TIAM1: variants seen among roughly 807,000 people sequenced by gnomAD.
The protein encoded by TIAM1 is TIAM Rac1 associated GEF 1.
TIAM1 carries 65 observed loss-of-function variants against 163.5 expected under a neutral mutation model. The observed-to-expected ratio is 0.40, with a 90% CI of 0.33 to 0.49. The LOEUF (loss-of-function observed/expected upper bound fraction) is 0.49, where lower values mean the gene tolerates loss of function less well. Ranked by LOEUF, TIAM1 falls within the 20% of genes least tolerant of loss-of-function variation. TIAM1 has a pLI of 0.77. For missense variants in TIAM1, 1,789 were observed against 2,044.7 expected (o/e 0.87, Z 2.41); for synonymous variants, 833 against 810.1 (o/e 1.03, Z -0.48).
intron 14 of TIAM1, 94 bp from the exon 15 acceptor site, chr21:31,182,739 G>C: frequency 7.8e-7 from 1 of 1,285,848 alleles, no homozygotes; most frequent in East Asian, 2.5e-5. Context: ...CCTGCTGTGG[G>C]TCTCACAGCC....
intron 2 of TIAM1, among the ~76,000 whole-genome samples, chr21:31,335,836 G>A (rs1048980515): frequency 6.6e-6 from 1 of 152,164 alleles, no homozygotes; most frequent in African/African-American, 2.4e-5. Context: ...GAACAGTCAC[G>A]AGTTTAGAAA....
At chr21:31,404,492 GA>G (rs3216557) in intron 2 of TIAM1, among the ~76,000 whole-genome samples, 10,582 of 143,718 alleles carry the variant, frequency 0.074, 400 homozygotes, top group Middle Eastern at 0.13. Context: ...TTTTAAAGAG[GA>G]AAAAAAAAAG....
At chr21:31,370,631 CA>C (rs1569272935) in intron 2 of TIAM1, among the ~76,000 whole-genome samples, 1 of 151,954 alleles carries the variant, frequency 6.6e-6, no homozygotes, top group Non-Finnish European at 1.5e-5. Context: ...TGAAATTACC[CA>C]CAATAAAAAG....
At chr21:31,421,490 A>G (rs1028925765) in intron 2 of TIAM1, among the ~76,000 whole-genome samples, 3 of 152,176 alleles carry the variant, frequency 2.0e-5, no homozygotes, top group Non-Finnish European at 4.4e-5. Context: ...ATCAGCGGTG[A>G]CATCAGATTC....
At chr21:31,220,097 C>T (rs1329070878) in intron 8 of TIAM1, among the ~76,000 whole-genome samples, 1 of 152,150 alleles carries the variant, frequency 6.6e-6, no homozygotes, top group Admixed American at 6.5e-5. Flanking sequence ...ATAAATAAAT[C>T]CAGTCATTAA....
intron 15 of TIAM1, among the ~76,000 whole-genome samples, chr21:31,181,815 G>T (rs1226612296): frequency 3.1e-5 from 3 of 95,892 alleles, no homozygotes; most frequent in African/African-American, 1.2e-4. Context: ...TACGAGACAG[G>T]CCTCTGTCTC....
chr21:31,265,067 C>G (rs888864391), intron 4 of TIAM1, among the ~76,000 whole-genome samples: 3 of 152,084 alleles, frequency 2.0e-5, no homozygotes, highest in East Asian at 1.9e-4. Flanking sequence ...GACTTAAACT[C>G]CTAGGCTCAA....
At chr21:31,218,548 G>T (rs1051359058) in intron 8 of TIAM1, among the ~76,000 whole-genome samples, 1 of 147,572 alleles carries the variant, frequency 6.8e-6, no homozygotes, top group Non-Finnish European at 1.5e-5. Flanking sequence ...TAGCCTGGGC[G>T]ACAGAACGAG....
At chr21:31,376,276 T>C (rs545568321) in intron 2 of TIAM1, among the ~76,000 whole-genome samples, 1 of 152,138 alleles carries the variant, frequency 6.6e-6, no homozygotes, top group South Asian at 2.1e-4. Flanking sequence ...CCCTGATAAA[T>C]GCATCTCAGT....
At chr21:31,207,918 C>A (rs967065013) in intron 11 of TIAM1, among the ~76,000 whole-genome samples, 2 of 152,136 alleles carry the variant, frequency 1.3e-5, no homozygotes, top group African/African-American at 4.8e-5. Flanking sequence ...GCTTGTTCCA[C>A]ATCACGTTGT....
At chr21:31,198,304 G>A (rs758522038) in intron 12 of TIAM1, among the ~76,000 whole-genome samples, 16 of 152,162 alleles carry the variant, frequency 1.1e-4, no homozygotes, top group Non-Finnish European at 1.5e-4. Context: ...CTGAGAAAGC[G>A]TTTGCTATAA....
chr21:31,540,434 A>G (rs987438305), intron 1 of TIAM1, among the ~76,000 whole-genome samples: 1 of 151,980 alleles, frequency 6.6e-6, no homozygotes, highest in African/African-American at 2.4e-5. Context: ...AGTCCTAAAC[A>G]CCACTTATAA....
At chr21:31,168,962 A>G (rs1270692356) in intron 15 of TIAM1, among the ~76,000 whole-genome samples, 1 of 152,220 alleles carries the variant, frequency 6.6e-6, no homozygotes, top group Non-Finnish European at 1.5e-5. Flanking sequence ...GATCAGATGT[A>G]GAATGTCAAA....
chr21:31,171,035 CAAAAAAAAAAAA>C (rs34291568), intron 15 of TIAM1, among the ~76,000 whole-genome samples: 268 of 19,572 alleles, frequency 0.014, 4 homozygotes, highest in South Asian at 0.12. Flanking sequence ...GACTCCATCT[CAAAAAAAAAAAA>C]AAAAAAAAAA....
intron 4 of TIAM1, among the ~76,000 whole-genome samples, chr21:31,255,437 T>C (rs1163331816): frequency 6.6e-6 from 1 of 152,320 alleles, no homozygotes; most frequent in East Asian, 1.9e-4. Context: ...CCAGAGGTGC[T>C]ACTCAACACC....
At chr21:31,209,224 GCTCT>G (rs1430913734) in intron 11 of TIAM1, among the ~76,000 whole-genome samples, 4 of 152,166 alleles carry the variant, frequency 2.6e-5, no homozygotes, top group Admixed American at 6.5e-5. Context: ...CAAAGTCTCA[GCTCT>G]TTCTCAGGCT....
intron 2 of TIAM1, among the ~76,000 whole-genome samples, chr21:31,425,634 CCTCCCTCT>C (rs1208228728): frequency 1.5e-5 from 2 of 132,534 alleles, no homozygotes; most frequent in African/African-American, 3.5e-5. Flanking sequence ...TCCCTCCCTC[CCTCCCTCT>C]CTCCCTCTTT....
At chr21:31,472,047 G>A (rs1339684988) in intron 1 of TIAM1, among the ~76,000 whole-genome samples, 2 of 152,062 alleles carry the variant, frequency 1.3e-5, no homozygotes, top group Non-Finnish European at 2.9e-5. Flanking sequence ...GCACAAGGCT[G>A]TTGTGGTTAA....
chr21:31,182,760 C>T (rs1031432059), intron 14 of TIAM1, 115 bp from the exon 15 acceptor site: 6 of 1,068,682 alleles, frequency 5.6e-6, no homozygotes, highest in Non-Finnish European at 7.9e-6. Flanking sequence ...CCAGGTGCTG[C>T]TGCAGACAGG....
Sources: gnomAD v4.1 joint callset for allele counts (sites outside exome capture counted in the v4.1 genomes callset) on GRCh38, gnomAD v4.1.1 for gene constraint, MANE v1.5 for transcripts, NCBI Gene and HGNC (gene_info 2026-07-23, HGNC 2026-07-21) for gene names.